SHLD1: variants seen among roughly 807,000 people sequenced by gnomAD.
The protein encoded by SHLD1 is RINN1-REV7-interacting novel NHEJ regulator 3.
In SHLD1, 3 loss-of-function variants were observed where a neutral mutation model predicts 5.5. The ratio of observed to expected loss-of-function variants is 0.54; its 90% CI spans 0.25 to 1.40. The LOEUF is 1.40. Ranked by LOEUF, SHLD1 falls within the 40% of genes most tolerant of loss-of-function variation. The pLI, the probability that SHLD1 is intolerant of heterozygous loss-of-function variation, is 0.15. For synonymous variants in SHLD1, 92 were observed against 94.3 expected, an observed-to-expected ratio of 0.98 and a Z score of 0.14; for missense variants, 210 against 244.4, an observed-to-expected ratio of 0.86 and a Z score of 0.94.
chr20:5,861,897 G>T (rs2088167726), intron 2 of SHLD1, among the ~76,000 whole-genome samples: 1 of 152,234 alleles, frequency 6.6e-6, no homozygotes, highest in African/African-American at 2.4e-5. Flanking sequence ...TCAGGGTCAG[G>T]CGTGGAGGTC....
intron 1 of SHLD1, among the ~76,000 whole-genome samples, chr20:5,764,126 C>CAAA (rs766327106): frequency 4.7e-4 from 25 of 53,224 alleles, no homozygotes; most frequent in African/African-American, 7.8e-4. Flanking sequence ...GGCTCTGTCT[C>CAAA]AAAAAAAAAA....
chr20:5,841,170 A>AGTGTGT (rs11469039), intron 2 of SHLD1, among the ~76,000 whole-genome samples: 56 of 146,404 alleles, frequency 3.8e-4, no homozygotes, highest in African/African-American at 9.4e-4. Context: ...GAAAATAGCG[A>AGTGTGT]GTGTGTGTGT....
At chr20:5,833,557 T>G (rs932236118) in intron 2 of SHLD1, among the ~76,000 whole-genome samples, 1 of 151,988 alleles carries the variant, frequency 6.6e-6, no homozygotes, top group African/African-American at 2.4e-5. Flanking sequence ...TATGTTGCTA[T>G]AAATTACTGT....
At chr20:5,825,863 C>T (rs1437009042) in intron 2 of SHLD1, among the ~76,000 whole-genome samples, 1 of 152,174 alleles carries the variant, frequency 6.6e-6, no homozygotes, top group Non-Finnish European at 1.5e-5. Flanking sequence ...TGATATTGAT[C>T]AATATTTTCC....
intron 1 of SHLD1, among the ~76,000 whole-genome samples, chr20:5,772,479 A>G (rs1047307678): frequency 6.6e-6 from 1 of 152,224 alleles, no homozygotes; most frequent in South Asian, 2.1e-4. Context: ...TTTGAAATTT[A>G]TGAATTGTTT....
At chr20:5,793,645 A>G (rs2087172351) in intron 2 of SHLD1, among the ~76,000 whole-genome samples, 4 of 152,234 alleles carry the variant, frequency 2.6e-5, no homozygotes, top group African/African-American at 2.4e-5. Context: ...ATGAAACAAG[A>G]TGATAGCTCT....
intron 2 of SHLD1, among the ~76,000 whole-genome samples, chr20:5,776,693 G>T (rs747130526): frequency 6.6e-6 from 1 of 152,078 alleles, no homozygotes; most frequent in African/African-American, 2.4e-5. Context: ...AACCCAGGAG[G>T]TGGAGGTTGT....
At chr20:5,758,324 G>A (rs368334578) in intron 1 of SHLD1, among the ~76,000 whole-genome samples, 3 of 136,984 alleles carry the variant, frequency 2.2e-5, no homozygotes, top group Non-Finnish European at 3.2e-5. Context: ...AGGGAAGGGA[G>A]GGGAGGGGAG....
intron 2 of SHLD1, among the ~76,000 whole-genome samples, chr20:5,815,018 C>T (rs1034516818): frequency 1.3e-5 from 2 of 152,130 alleles, no homozygotes; most frequent in African/African-American, 2.4e-5. Context: ...AGAATTTGCT[C>T]CAGTGTTCTT....
intron 2 of SHLD1, among the ~76,000 whole-genome samples, chr20:5,839,984 T>C (rs1236095824): frequency 3.3e-5 from 5 of 152,188 alleles, no homozygotes; most frequent in Non-Finnish European, 5.9e-5. Flanking sequence ...ATGACATCTG[T>C]TTGCATTTTG....
chr20:5,772,708 T>A (rs1985231051), intron 1 of SHLD1, among the ~76,000 whole-genome samples, 154 bp from the exon 2 acceptor site: 1 of 151,850 alleles, frequency 6.6e-6, no homozygotes, highest in Admixed American at 6.6e-5. Context: ...GCCCAGGAGT[T>A]CAAGACCAGC....
chr20:5,769,734 T>C (rs2122231314), intron 1 of SHLD1, among the ~76,000 whole-genome samples: 1 of 152,308 alleles, frequency 6.6e-6, no homozygotes, highest in African/African-American at 2.4e-5. Context: ...CTGAGCACTG[T>C]GGCTCACACC....
intron 2 of SHLD1, among the ~76,000 whole-genome samples, chr20:5,833,054 T>C (rs2087748411): frequency 6.6e-6 from 1 of 151,746 alleles, no homozygotes; most frequent in South Asian, 2.1e-4. Flanking sequence ...TCTCCTGACC[T>C]GGAGCTCCTG....
At chr20:5,799,612 C>A (rs2087263328) in intron 2 of SHLD1, among the ~76,000 whole-genome samples, 4 of 151,874 alleles carry the variant, frequency 2.6e-5, no homozygotes, top group Non-Finnish European at 5.9e-5. Flanking sequence ...CCGCGCCCAG[C>A]CTTCTGTTAT....
intron 2 of SHLD1, among the ~76,000 whole-genome samples, chr20:5,849,601 A>G (rs1344265438): frequency 6.6e-6 from 1 of 152,190 alleles, no homozygotes; most frequent in Non-Finnish European, 1.5e-5. Flanking sequence ...GTCATAATAC[A>G]TGTATACATG....
intron 1 of SHLD1, among the ~76,000 whole-genome samples, chr20:5,761,001 G>A (rs1258496350): frequency 6.6e-6 from 1 of 151,948 alleles, no homozygotes; most frequent in Non-Finnish European, 1.5e-5. Context: ...AATGGGGAGG[G>A]GGAGGGAAGT....
Position 5,784,595 on chromosome 20 carries a change from C to CAT in SHLD1, c.178+11552_178+11553insAT, listed in dbSNP as rs1357874859. ...CCTCCCGAGTAGCTGGGACTACAGG[C>CAT]GCCCGCCACCACGCCCGGCTAATTT... On this transcript the variant is annotated intron_variant, in intron 2 of 2. Transcript: ENST00000303142. 2.0e-5 allele frequency among the ~76,000 whole-genome samples: 3 copies of CAT among 152,010 alleles called. No individual in the cohort carries two copies. The East Asian group carries it at 5.8e-4, about 29-fold the overall frequency.
intron 1 of SHLD1, among the ~76,000 whole-genome samples, chr20:5,760,029 T>C (rs1984371192): frequency 6.6e-6 from 1 of 152,162 alleles, no homozygotes; most frequent in Admixed American, 6.6e-5. Flanking sequence ...TACATCTATA[T>C]TTGACAGTAT....
At chr20:5,826,184 T>C (rs981584812) in intron 2 of SHLD1, among the ~76,000 whole-genome samples, 2 of 152,266 alleles carry the variant, frequency 1.3e-5, no homozygotes, top group Non-Finnish European at 2.9e-5. Flanking sequence ...AGCTGTTTAT[T>C]GTTTGCAGAT....
Sources: gnomAD v4.1 joint callset for allele counts (sites outside exome capture counted in the v4.1 genomes callset) on GRCh38, gnomAD v4.1.1 for gene constraint, MANE v1.5 for transcripts, NCBI Gene and HGNC (gene_info 2026-07-23, HGNC 2026-07-21) for gene names.